The following DCUN1D3 variants were observed in gnomAD, a reference collection of about 807,000 sequenced individuals.
DCUN1D3 encodes DCN1-like protein 3.
In DCUN1D3, 6 loss-of-function variants were observed where a neutral mutation model predicts 24.8. The ratio of observed to expected loss-of-function variants is 0.24; its 90% CI spans 0.13 to 0.48. The LOEUF (loss-of-function observed/expected upper bound fraction) is 0.48. Ranked by LOEUF, DCUN1D3 falls within the 20% of genes least tolerant of loss-of-function variation. The pLI is 0.99. For missense variants in DCUN1D3, 258 were observed against 379.4 expected (o/e 0.68, Z 2.66); for synonymous variants, 120 against 144.9 (o/e 0.83, Z 1.24).
intron 1 of DCUN1D3, among the ~76,000 whole-genome samples, chr16:20,869,143 C>T (rs1759201485): frequency 6.6e-6 from 1 of 152,248 alleles, no homozygotes; most frequent in South Asian, 2.1e-4. Flanking sequence ...GGCTGCAGTC[C>T]CTGGGTTGCT....
intron 1 of DCUN1D3, among the ~76,000 whole-genome samples, chr16:20,899,016 T>TGGGG (rs1330963754): frequency 1.3e-5 from 2 of 152,238 alleles, no homozygotes; most frequent in African/African-American, 4.8e-5. Context: ...CAGATCACAC[T>TGGGG]GTCTCATTTA....
chr16:20,866,150 A>G (rs1775415931), intron 1 of DCUN1D3, among the ~76,000 whole-genome samples: 1 of 152,204 alleles, frequency 6.6e-6, no homozygotes, highest in Admixed American at 6.5e-5. Context: ...TAATTCTTGG[A>G]AGACCATGGT....
intron 1 of DCUN1D3, among the ~76,000 whole-genome samples, chr16:20,863,351 G>C (rs2081743460): frequency 6.6e-6 from 1 of 152,152 alleles, no homozygotes; most frequent in Non-Finnish European, 1.5e-5. Context: ...TCCTCAGCAA[G>C]GCTGTACTTA....
chr16:20,863,287 C>A (rs1217803793), intron 1 of DCUN1D3, among the ~76,000 whole-genome samples: 1 of 152,180 alleles, frequency 6.6e-6, no homozygotes, highest in Non-Finnish European at 1.5e-5. Context: ...AACCATCCAC[C>A]AAGCCTATAC....
At position 20,856,461 on chromosome 16, in the gene DCUN1D3, A is replaced by G. The variant is rs911090804; in HGVS notation, c.*3425T>C. 6.6e-6 allele frequency: 1 copy of G among 152,238 alleles called. No homozygotes were observed. The highest frequency in any genetic ancestry group is 2.4e-5 in the African/African-American group (1 of 41,460). The allele number at this position is 152,238 out of a possible 1,614,324, so 9.4% of individuals were successfully genotyped here. A position where few individuals can be genotyped will look rare whatever the true frequency, so the allele number is the denominator to read the frequency against. ...TCCTTTCTCCCTTTCCAAAAAGACT[A>G]GTTTGTGCTTTCCTTGGGGAAGTTT... is the stretch of plus-strand genomic sequence containing the variant. On this transcript the variant is annotated 3_prime_UTR_variant, in exon 3 of 3. Coordinates refer to ENST00000324344, the MANE Select transcript of DCUN1D3 (RefSeq NM_173475.4).
chr16:20,894,955 A>G (rs1337178320), intron 1 of DCUN1D3, among the ~76,000 whole-genome samples: 1 of 152,232 alleles, frequency 6.6e-6, no homozygotes, highest in African/African-American at 2.4e-5. Context: ...ATCTGTATCA[A>G]TAGGTTCTAC....
rs1001271122 is a variant in DCUN1D3 at position 20,857,098 on chromosome 16, C to T, written c.*2788G>A. ...GAAGTATAACTTCAAACCCTACACA[C>T]ACCTCACCTTGGATCCCTTTGCAGA... On this transcript the variant is annotated 3_prime_UTR_variant, in exon 3 of 3. Coordinates refer to ENST00000324344, the MANE Select transcript of DCUN1D3 (RefSeq NM_173475.4). The T allele has an allele frequency of 6.6e-6, 1 of 152,208 alleles. No individual in the cohort carries two copies. The highest frequency in any genetic ancestry group is 1.5e-5 in the Non-Finnish European group (1 of 68,036). The allele number at this position is 152,208 out of a possible 1,614,324, so 9.4% of individuals were successfully genotyped here. A position where few individuals can be genotyped will look rare whatever the true frequency, so the allele number is the denominator to read the frequency against.
At chr16:20,864,624 G>C (rs1297733974) in intron 1 of DCUN1D3, among the ~76,000 whole-genome samples, 2 of 152,142 alleles carry the variant, frequency 1.3e-5, no homozygotes, top group African/African-American at 4.8e-5. Context: ...ATTCGAACTA[G>C]CAATCCCATT....
At chr16:20,883,833 C>T (rs1189443305) in intron 1 of DCUN1D3, among the ~76,000 whole-genome samples, 1 of 152,138 alleles carries the variant, frequency 6.6e-6, no homozygotes, top group Non-Finnish European at 1.5e-5. Context: ...CTTGGAAAAG[C>T]AAATGCTCTG....
chr16:20,878,077 T>C (rs2081825071), intron 1 of DCUN1D3, among the ~76,000 whole-genome samples: 1 of 152,168 alleles, frequency 6.6e-6, no homozygotes, highest in African/African-American at 2.4e-5. Context: ...ACTTGGTTTA[T>C]GGGTGTGAGC....
chr16:20,860,954 G>T lies in DCUN1D3; in HGVS notation c.432-585C>A, dbSNP rs539625043. On this transcript the variant is annotated intron_variant, in intron 2 of 2. Transcript: ENST00000324344. This position sits in a 1 kb window ranked among gnomAD's most constrained non-coding sequence, Gnocchi z 4.3. ...CTTACAGCATGGTCTCGCATTGATCGTCTTCTCAGGGACTGTAGTATCTGC... is the reference window on the plus strand; with the variant it reads ...CTTACAGCATGGTCTCGCATTGATCTTCTTCTCAGGGACTGTAGTATCTGC... Among the ~76,000 whole-genome samples, 1 of 152,136 alleles carries T rather than the reference G, an allele frequency of 6.6e-6. No individual in the cohort carries two copies.
intron 1 of DCUN1D3, chr16:20,896,391 G>A (rs1457646010): frequency 6.6e-6 from 1 of 152,148 alleles, no homozygotes; most frequent in African/African-American, 2.4e-5. Flanking sequence ...CCTGCAAAGT[G>A]TAAGAAATAA....
intron 1 of DCUN1D3, among the ~76,000 whole-genome samples, chr16:20,867,426 C>G (rs772952768): frequency 3.3e-5 from 5 of 152,184 alleles, no homozygotes. Context: ...CTCAGCCCCA[C>G]CAGACGTGGA....
At chr16:20,868,896 T>G (rs1009522932) in intron 1 of DCUN1D3, 1 of 152,242 alleles carries the variant, frequency 6.6e-6, no homozygotes, top group Admixed American at 6.5e-5. Context: ...AGTGTTTACC[T>G]GAAAGACCAA....
rs554145830 is a variant in DCUN1D3 at position 20,891,054 on chromosome 16, C to T, written c.-106+9150G>A. On this transcript the variant is annotated intron_variant, in intron 1 of 2. Coordinates refer to ENST00000324344, the MANE Select transcript of DCUN1D3 (RefSeq NM_173475.4). ...TATCGCCCAGGCTGAAGTGCTGTGG[C>T]GCGATCTTGGCTCACTGCAATCTCT... is the stretch of plus-strand genomic sequence containing the variant. Among the ~76,000 whole-genome samples, 434 of 151,314 alleles carry T rather than the reference C, an allele frequency of 2.9e-3. 1 individual carries two copies. The highest frequency in any genetic ancestry group is 4.8e-3 in the Non-Finnish European group (323 of 67,908).
At chr16:20,888,316 C>T (rs1367762142) in intron 1 of DCUN1D3, among the ~76,000 whole-genome samples, 2 of 152,156 alleles carry the variant, frequency 1.3e-5, no homozygotes, top group Non-Finnish European at 1.5e-5. Flanking sequence ...ACTGTGATTA[C>T]CCTCACTCCA....
At chr16:20,892,760 G>A (rs55820926) in intron 1 of DCUN1D3, among the ~76,000 whole-genome samples, 2,826 of 151,896 alleles carry the variant, frequency 0.019, 84 homozygotes, top group African/African-American at 0.064. Context: ...TGGTTTGGGG[G>A]GGAAAAAAAG....
At position 20,855,019 on chromosome 16, in the gene DCUN1D3, T is replaced by C. The variant is rs2081695861; in HGVS notation, c.*4867A>G. The C allele has an allele frequency of 6.6e-6, 1 of 152,352 alleles. No homozygotes were observed. The highest frequency in any genetic ancestry group is 2.1e-4 in the South Asian group (1 of 4,824). The allele number at this position is 152,352 out of a possible 1,614,324, so 9.4% of individuals were successfully genotyped here. On this transcript the variant is annotated 3_prime_UTR_variant, in exon 3 of 3. Transcript: ENST00000324344. Reference sequence around the variant, plus strand: ...TGTAGACATCAAAGACAAAAATGTGTGTAACAAGTCAATAAAAATACTCAA... The same window carrying C: ...TGTAGACATCAAAGACAAAAATGTGCGTAACAAGTCAATAAAAATACTCAA...
intron 1 of DCUN1D3, among the ~76,000 whole-genome samples, chr16:20,880,290 T>C (rs968906113): frequency 6.6e-6 from 1 of 152,108 alleles, no homozygotes; most frequent in Non-Finnish European, 1.5e-5. Flanking sequence ...ACAGGGAATG[T>C]GTATGATGAC....
Sources: allele counts gnomAD v4.1 joint callset (sites outside exome capture counted in the v4.1 genomes callset), GRCh38; gene constraint gnomAD v4.1.1; non-coding constraint Gnocchi (gnomAD v3.1); transcripts MANE v1.5; gene names NCBI Gene and HGNC (gene_info 2026-07-23, HGNC 2026-07-21).